Variants in PDS5A observed in about 807,000 individuals in gnomAD.
PDS5A encodes sister chromatid cohesion protein PDS5 homolog A.
In PDS5A, 42 loss-of-function variants were observed where a neutral mutation model predicts 167.1. The ratio of observed to expected loss-of-function variants is 0.25; its 90% CI spans 0.20 to 0.33. The LOEUF (loss-of-function observed/expected upper bound fraction) is 0.33. PDS5A is among the 10% of genes least tolerant of loss of function. PDS5A has a pLI of 1.00. For missense variants in PDS5A, 1,033 were observed against 1,605.9 expected, an observed-to-expected ratio of 0.64 and a Z score of 6.10; for synonymous variants, 553 against 554.6, an observed-to-expected ratio of 1.00 and a Z score of 0.04.
chr4:39,836,615 A>ATTTTT (rs71645192), intron 32 of PDS5A, among the ~76,000 whole-genome samples: 3 of 106,126 alleles, frequency 2.8e-5, no homozygotes, highest in Non-Finnish European at 5.4e-5. Flanking sequence ...ATTTTTTTCT[A>ATTTTT]TTTTTTTTTT....
chr4:39,948,077 C>G (rs952931618), intron 2 of PDS5A, among the ~76,000 whole-genome samples: 1 of 151,840 alleles, frequency 6.6e-6, no homozygotes, highest in Non-Finnish European at 1.5e-5. Flanking sequence ...AACTGCAAGA[C>G]CCCATTTCTA....
intron 2 of PDS5A, among the ~76,000 whole-genome samples, chr4:39,934,051 A>C (rs1286838810): frequency 6.6e-6 from 1 of 152,178 alleles, no homozygotes; most frequent in African/African-American, 2.4e-5. Flanking sequence ...AGAGGGAAGA[A>C]GCATCCATTT....
At chr4:39,883,976 T>A (rs1200874405) in intron 17 of PDS5A, among the ~76,000 whole-genome samples, 1 of 149,782 alleles carries the variant, frequency 6.7e-6, no homozygotes, top group Non-Finnish European at 1.5e-5. Context: ...TCACCCAGGC[T>A]GGAGTGCAAT....
At chr4:39,850,271 CAA>C (rs1553889621) in intron 26 of PDS5A, among the ~76,000 whole-genome samples, 27 of 94,764 alleles carry the variant, frequency 2.8e-4, no homozygotes, top group Non-Finnish European at 2.5e-4. Flanking sequence ...GACTCTCTCT[CAA>C]AAAAAAAAAA....
At chr4:39,897,344 G>A (rs1038958742) in intron 16 of PDS5A, among the ~76,000 whole-genome samples, 4 of 152,152 alleles carry the variant, frequency 2.6e-5, no homozygotes, top group South Asian at 2.1e-4. Context: ...GCAGTGAGGT[G>A]AGATAATCAC....
chr4:39,861,685 C>T (rs530716381), intron 26 of PDS5A, among the ~76,000 whole-genome samples: 3 of 152,258 alleles, frequency 2.0e-5, no homozygotes, highest in African/African-American at 7.2e-5. Flanking sequence ...CTCCAATTGC[C>T]TGGGATGAAG....
Position 39,976,518 on chromosome 4 carries a change from G to A in PDS5A, c.60C>T (p.Asp20=). ...CCCCCGGAGGGTAAGCGATCTTCCC[G>A]TCGGCACTCACGACGCCACAGAGGG... ...ATALCGVVSA[D]GKIAYPPGVK... is the part of the protein sequence containing the mutation. The change falls in exon 2 of 33, where the codon GAC becomes GAT. Residue 20 remains aspartate, a synonymous_variant. Coordinates refer to ENST00000303538, the MANE Select transcript of PDS5A (RefSeq NM_001100399.2). The A allele has an allele frequency of 1.9e-6, 3 of 1,613,360 alleles. No homozygotes were observed. Among genetic ancestry groups the A allele is most frequent in the Non-Finnish European group, 8.5e-7 (1 of 1,179,406 alleles).
intron 25 of PDS5A, 129 bp downstream of exon 25, chr4:39,862,737 CAAT>C (rs1423446717): frequency 1.6e-6 from 1 of 630,910 alleles, no homozygotes; most frequent in East Asian, 2.7e-5. Context: ...ATCATAACTA[CAAT>C]GACAGCATTC....
intron 2 of PDS5A, chr4:39,973,378 G>C (rs183313581): frequency 1.2e-6 from 2 of 1,601,514 alleles, no homozygotes; most frequent in Non-Finnish European, 1.7e-6. Context: ...ATGTTGCTGA[G>C]GATTGCGAAC....
intron 26 of PDS5A, among the ~76,000 whole-genome samples, chr4:39,852,625 G>A (rs557979500): frequency 1.3e-5 from 2 of 152,214 alleles, no homozygotes; most frequent in African/African-American, 2.4e-5. Flanking sequence ...TGCATACTTA[G>A]GGTCAGAGAG....
At chr4:39,872,912 AGAAG>A in intron 21 of PDS5A, 70 bp downstream of exon 21, 13 of 719,508 alleles carry the variant, frequency 1.8e-5, no homozygotes, top group Non-Finnish European at 2.7e-5. Context: ...ACACAGAAAC[AGAAG>A]TGTTTCTGTG....
At chr4:39,922,061 C>T (rs868312627) in intron 6 of PDS5A, among the ~76,000 whole-genome samples, 7 of 152,026 alleles carry the variant, frequency 4.6e-5, no homozygotes, top group Admixed American at 1.3e-4. Flanking sequence ...TGAGTAGAGC[C>T]CAGTGGTGGA....
At chr4:39,831,262 G>A (rs1368521883) in intron 32 of PDS5A, among the ~76,000 whole-genome samples, 2 of 152,070 alleles carry the variant, frequency 1.3e-5, no homozygotes, top group African/African-American at 2.4e-5. Flanking sequence ...CACCATGCCC[G>A]GCTAAATTTT....
At chr4:39,952,795 C>T (rs548131315) in intron 2 of PDS5A, among the ~76,000 whole-genome samples, 4 of 142,490 alleles carry the variant, frequency 2.8e-5, no homozygotes, top group Non-Finnish European at 4.5e-5. Context: ...ATGGCATGAT[C>T]TCAGCTCACT....
intron 32 of PDS5A, among the ~76,000 whole-genome samples, chr4:39,825,967 C>T (rs935172713): frequency 4.6e-5 from 7 of 152,102 alleles, no homozygotes; most frequent in Non-Finnish European, 1.0e-4. Context: ...TTTAAAGAGC[C>T]TTTCCCTAAA....
chr4:39,926,941 T>G (rs1432373338), intron 3 of PDS5A, 80 bp from the exon 4 acceptor site: 11 of 1,165,586 alleles, frequency 9.4e-6, no homozygotes, highest in Non-Finnish European at 3.3e-6. Flanking sequence ...ACTTTATTAT[T>G]TGTGTACAAA....
intron 8 of PDS5A, among the ~76,000 whole-genome samples, chr4:39,915,343 ATTTTTTTTT>A (rs3070904): frequency 2.3e-5 from 2 of 88,728 alleles, no homozygotes; most frequent in African/African-American, 4.8e-5. Flanking sequence ...AACCGGCCTG[ATTTTTTTTT>A]TTTTTTTTTT....
At chr4:39,918,660 C>T (rs1223504499) in intron 7 of PDS5A, among the ~76,000 whole-genome samples, 1 of 152,096 alleles carries the variant, frequency 6.6e-6, no homozygotes, top group Non-Finnish European at 1.5e-5. Flanking sequence ...TCAAGACCAG[C>T]CTGGCCAACA....
At position 39,922,675 on chromosome 4, in the gene PDS5A, C is replaced by T. The variant is rs757396214; in HGVS notation, c.601G>A (p.Val201Ile). ...ATGGAGTCCAATAATTCTTGAGTAA[C>T]TCCATCACCTTCCATGATGATAGAA... is the stretch of plus-strand genomic sequence containing the variant. ...MSSIIMEGDG[V>I]TQELLDSILI... The change falls in exon 6 of 33, where the codon GTT becomes ATT. Residue 201 changes from valine (V) to isoleucine (I), a missense_variant. Coordinates refer to ENST00000303538, the MANE Select transcript of PDS5A (RefSeq NM_001100399.2). 1.2e-5 allele frequency: 20 copies of T among 1,602,930 alleles called. No homozygotes were observed. The East Asian group carries it at 1.3e-4, about 11-fold the overall frequency.
Sources: allele counts gnomAD v4.1 joint callset (sites outside exome capture counted in the v4.1 genomes callset), GRCh38; gene constraint gnomAD v4.1.1; transcripts MANE v1.5; gene names NCBI Gene and HGNC (gene_info 2026-07-23, HGNC 2026-07-21).